Variants in DPP6 observed in about 807,000 individuals in gnomAD.
DPP6 encodes A-type potassium channel modulatory protein DPP6.
DPP6 carries 69 observed loss-of-function variants against 122.6 expected under a neutral mutation model. The ratio of observed to expected loss-of-function variants is 0.56; its 90% CI spans 0.46 to 0.69. The LOEUF (loss-of-function observed/expected upper bound fraction) is 0.69, where lower values mean the gene tolerates loss of function less well. Ranked by LOEUF, DPP6 falls within the 30% of genes least tolerant of loss-of-function variation. The probability of loss-of-function intolerance (pLI) is 0.00; values close to 1 mark genes in which losing one functional copy is unlikely to be tolerated. For synonymous variants in DPP6, 418 were observed against 433.1 expected (o/e 0.97, Z 0.43); for missense variants, 928 against 1,116.9 (o/e 0.83, Z 2.41).
chr7:154,141,424 G>T (rs1029568876), intron 1 of DPP6, among the ~76,000 whole-genome samples: 1 of 152,154 alleles, frequency 6.6e-6, no homozygotes, highest in Non-Finnish European at 1.5e-5. Context: ...AAAACATCAG[G>T]GTTTCAGTTC....
At chr7:153,789,131 G>A in the DPP6 span, among the ~76,000 whole-genome samples, 1 of 152,154 alleles carries the variant, frequency 6.6e-6, no homozygotes, top group East Asian at 1.9e-4. Context: ...GCTCTTGCTG[G>A]CTTGGAAGAT....
chr7:153,978,702 TTTATC>T (rs1166814919), intron 1 of DPP6, among the ~76,000 whole-genome samples: 2 of 152,228 alleles, frequency 1.3e-5, no homozygotes, highest in Non-Finnish European at 2.9e-5. Context: ...CATTTAAATC[TTTATC>T]TTAAGTTAAT....
At chr7:154,297,063 G>GTTTTTTTTTTTTTTTTTTTTTTTTT (rs34506058) in intron 1 of DPP6, among the ~76,000 whole-genome samples, 1 of 125,262 alleles carries the variant, frequency 8.0e-6, no homozygotes, top group Non-Finnish European at 1.6e-5. Context: ...AATGTATTCT[G>GTTTTTTTTTTTTTTTTTTTTTTTTT]TTTTTTTTTT....
chr7:153,838,240 T>G, the DPP6 span, among the ~76,000 whole-genome samples: 1 of 152,098 alleles, frequency 6.6e-6, no homozygotes, highest in Non-Finnish European at 1.5e-5. Context: ...AAGCAGCAGT[T>G]GACTGTTGAG....
the DPP6 span, among the ~76,000 whole-genome samples, chr7:153,821,949 A>C: frequency 3.3e-5 from 5 of 152,048 alleles, no homozygotes; most frequent in East Asian, 7.8e-4. Flanking sequence ...ACAGCTGGGG[A>C]CCTACAGCGC....
At chr7:154,807,284 G>T (rs938060949) in intron 16 of DPP6, among the ~76,000 whole-genome samples, 172 bp downstream of exon 16, 1 of 152,118 alleles carries the variant, frequency 6.6e-6, no homozygotes, top group African/African-American at 2.4e-5. Flanking sequence ...AAGATGACTG[G>T]ACCCCCACAG....
At chr7:154,804,808 G>T in intron 14 of DPP6, 109 bp from the exon 15 acceptor site, 1 of 1,482,356 alleles carries the variant, frequency 6.7e-7, no homozygotes, top group Non-Finnish European at 9.2e-7. Context: ...CTCCCTGCAG[G>T]CCATGGGCGG....
At chr7:154,506,369 A>G (rs4725547) in intron 3 of DPP6, among the ~76,000 whole-genome samples, 76,884 of 151,890 alleles carry the variant, frequency 0.51, 19,858 homozygotes, top group Middle Eastern at 0.59. Flanking sequence ...TGCTACCAGG[A>G]GAAATGTGTC....
intron 1 of DPP6, among the ~76,000 whole-genome samples, chr7:154,413,882 A>G (rs1464070775): frequency 6.6e-6 from 1 of 152,238 alleles, no homozygotes; most frequent in African/African-American, 2.4e-5. Flanking sequence ...CATGAAAAGT[A>G]GTGATGATTA....
chr7:154,307,705 G>T (rs1806477848), intron 1 of DPP6, among the ~76,000 whole-genome samples: 1 of 152,032 alleles, frequency 6.6e-6, no homozygotes, highest in African/African-American at 2.4e-5. Flanking sequence ...ATTTTGAAAG[G>T]TATTAAAACT....
At chr7:154,036,012 G>GCGCA (rs60187459) in intron 1 of DPP6, among the ~76,000 whole-genome samples, 75,893 of 115,618 alleles carry the variant, frequency 0.66, 20,251 homozygotes, top group East Asian at 0.74. Context: ...AGGATTACGC[G>GCGCA]CGCGCGCTTG....
intron 5 of DPP6, among the ~76,000 whole-genome samples, chr7:154,611,030 G>A (rs1446819623): frequency 6.6e-6 from 1 of 152,156 alleles, no homozygotes; most frequent in African/African-American, 2.4e-5. Flanking sequence ...GTGCTAGAGT[G>A]TATCTGGTAA....
chr7:153,993,249 C>G (rs535651480), intron 1 of DPP6, among the ~76,000 whole-genome samples: 1 of 152,168 alleles, frequency 6.6e-6, no homozygotes, highest in Non-Finnish European at 1.5e-5. Flanking sequence ...ATGCAATGAA[C>G]AGATGAATGA....
intron 1 of DPP6, among the ~76,000 whole-genome samples, chr7:154,086,507 C>G (rs1364737803): frequency 6.7e-6 from 1 of 149,342 alleles, no homozygotes; most frequent in Non-Finnish European, 1.5e-5. Flanking sequence ...TCATTCTGTT[C>G]CATCTGCTGC....
At position 154,889,453 on chromosome 7, in the gene DPP6, AC is replaced by A; in HGVS notation, c.2378-3del. 6.7e-7 allele frequency: 1 copy of A among 1,492,950 alleles called. No homozygotes were observed. The highest frequency in any genetic ancestry group is 2.5e-5 in the Admixed American group (1 of 39,966). The allele number at this position is 1,492,950 out of a possible 1,614,324, so 92.5% of individuals were successfully genotyped here. ...CTCTCTTTTTTTTTTTTTTTTTTGC[AC>A]AGAAAAAATTCATTTCCAGCACACA... On this transcript the variant is annotated splice_polypyrimidine_tract_variant and splice_region_variant and intron_variant, in intron 24 of 25. Transcript: ENST00000377770.
intron 18 of DPP6, 46 bp downstream of exon 18, chr7:154,868,139 C>A: frequency 6.4e-7 from 1 of 1,553,348 alleles, no homozygotes; most frequent in East Asian, 2.4e-5. Flanking sequence ...AAAAAGAAAA[C>A]GTGGGCTGTG....
chr7:154,659,935 G>C (rs1306893128), intron 6 of DPP6, among the ~76,000 whole-genome samples: 1 of 152,250 alleles, frequency 6.6e-6, no homozygotes, highest in East Asian at 1.9e-4. Flanking sequence ...GACGAGGGTA[G>C]CTATTGTCCC....
intron 1 of DPP6, among the ~76,000 whole-genome samples, chr7:154,146,599 C>T (rs1198751592): frequency 6.6e-6 from 1 of 152,264 alleles, no homozygotes; most frequent in Admixed American, 6.5e-5. Context: ...CACTGGAGGG[C>T]AATTGTCTGG....
At chr7:153,953,027 AGGT>A (rs1802293756) in intron 1 of DPP6, among the ~76,000 whole-genome samples, 1 of 152,168 alleles carries the variant, frequency 6.6e-6, no homozygotes, top group South Asian at 2.1e-4. Context: ...GGCAGAGGGA[AGGT>A]GGGAGGAAGG....
Sources: allele counts gnomAD v4.1 joint callset (sites outside exome capture counted in the v4.1 genomes callset), GRCh38; gene constraint gnomAD v4.1.1; transcripts MANE v1.5; gene names NCBI Gene and HGNC (gene_info 2026-07-23, HGNC 2026-07-21).